Variants in SORCS2 observed in about 807,000 individuals in gnomAD.
SORCS2 encodes the protein sortilin related VPS10 domain containing receptor 2.
A neutral mutation model predicts 141.6 loss-of-function variants in SORCS2; 100 were observed. That is an observed-to-expected ratio of 0.71 (90% confidence interval 0.60 to 0.83). SORCS2 has a LOEUF of 0.83. Ranked by LOEUF, SORCS2 falls within the 40% of genes least tolerant of loss-of-function variation. The pLI is 0.00. For missense variants in SORCS2, 1,646 were observed against 1,560.2 expected (o/e 1.05, Z -0.93); for synonymous variants, 789 against 676.9 (o/e 1.17, Z -2.57).
intron 3 of SORCS2, among the ~76,000 whole-genome samples, chr4:7,635,861 C>T (rs1720209875): frequency 6.6e-6 from 1 of 152,210 alleles, no homozygotes; most frequent in African/African-American, 2.4e-5. Flanking sequence ...GCTGGCAGAG[C>T]AGGGTTTTGT....
chr4:7,273,384 T>C (rs1715268351), intron 1 of SORCS2, among the ~76,000 whole-genome samples: 1 of 152,084 alleles, frequency 6.6e-6, no homozygotes, highest in African/African-American at 2.4e-5. Context: ...GACCATGGCA[T>C]AACCCAGCTG....
chr4:7,739,037 C>T (rs1242741321), intron 26 of SORCS2, among the ~76,000 whole-genome samples: 2 of 152,182 alleles, frequency 1.3e-5, no homozygotes, highest in African/African-American at 4.8e-5. Context: ...CTGTGTCAGC[C>T]CCAGCTCAGC....
chr4:7,310,582 C>T (rs764509453), intron 1 of SORCS2: 12 of 154,236 alleles, frequency 7.8e-5, no homozygotes, highest in African/African-American at 2.6e-4. Context: ...GAGGCCCCCT[C>T]GGACAGGATC....
intron 3 of SORCS2, among the ~76,000 whole-genome samples, chr4:7,610,371 T>C (rs1368990545): frequency 1.3e-5 from 2 of 151,944 alleles, no homozygotes; most frequent in Non-Finnish European, 2.9e-5. Flanking sequence ...TGTTTCCTTA[T>C]CTCCATGGGA....
At chr4:7,700,902 G>A (rs1725027146) in intron 12 of SORCS2, among the ~76,000 whole-genome samples, 1 of 152,218 alleles carries the variant, frequency 6.6e-6, no homozygotes, top group Non-Finnish European at 1.5e-5. Flanking sequence ...TTGGTGTCTG[G>A]CAGTCACCAG....
chr4:7,270,664 A>G (rs543349996), intron 1 of SORCS2, among the ~76,000 whole-genome samples: 1 of 152,386 alleles, frequency 6.6e-6, no homozygotes, highest in African/African-American at 2.4e-5. Context: ...GATCCCTCCT[A>G]GATCCATCCG....
At chr4:7,372,705 A>G (rs1298167629) in intron 1 of SORCS2, among the ~76,000 whole-genome samples, 1 of 151,714 alleles carries the variant, frequency 6.6e-6, no homozygotes, top group African/African-American at 2.4e-5. Context: ...CATTTCCCTC[A>G]CCCCCCAGAA....
chr4:7,504,600 C>T (rs1330189975), intron 2 of SORCS2, among the ~76,000 whole-genome samples: 1 of 152,226 alleles, frequency 6.6e-6, no homozygotes, highest in African/African-American at 2.4e-5. Context: ...CTCTGGACCC[C>T]AGGGCTGGCT....
At chr4:7,505,692 G>A (rs1467450709) in intron 2 of SORCS2, among the ~76,000 whole-genome samples, 4 of 152,146 alleles carry the variant, frequency 2.6e-5, no homozygotes, top group Admixed American at 2.0e-4. Flanking sequence ...CTCTGCCAGC[G>A]GGAACACGAG....
intron 3 of SORCS2, among the ~76,000 whole-genome samples, chr4:7,590,776 C>G (rs1226482690): frequency 6.6e-6 from 1 of 152,220 alleles, no homozygotes; most frequent in Non-Finnish European, 1.5e-5. Context: ...CTGCTGACAC[C>G]TTGATTTTAG....
chr4:7,613,036 C>T (rs1197156443), intron 3 of SORCS2, among the ~76,000 whole-genome samples: 9 of 151,796 alleles, frequency 5.9e-5, no homozygotes, highest in Middle Eastern at 3.4e-3. Context: ...CCTCTTTCTG[C>T]GGGGAGGAGC....
rs780853435 is a variant in SORCS2, at chr4:7,714,257, G to A, written c.2007G>A (p.Met669Ile). The A allele has an allele frequency of 6.2e-7, 1 of 1,611,000 alleles. No homozygotes were observed. The highest frequency in any genetic ancestry group is 8.5e-7 in the Non-Finnish European group (1 of 1,178,870). Residue 669 changes from methionine (M) to isoleucine (I), a missense_variant, in exon 16 of 27, where the codon ATG becomes ATA. Coordinates refer to ENST00000507866, the MANE Select transcript of SORCS2 (RefSeq NM_020777.3). ...LSNLQGDRCI[M>I]GQQRSFRKRK... ...TGCTGCAGGGCGACCGCTGTATCATGGGCCAGCAGAGAAGTTTCCGGAAAA... is the reference window on the plus strand; with the variant it reads ...TGCTGCAGGGCGACCGCTGTATCATAGGCCAGCAGAGAAGTTTCCGGAAAA...
intron 3 of SORCS2, among the ~76,000 whole-genome samples, chr4:7,543,702 A>G (rs1577723788): frequency 1.2e-5 from 1 of 80,902 alleles, no homozygotes; most frequent in African/African-American, 3.5e-5. Flanking sequence ...CCACCCATCC[A>G]TCCATCCACC....
At chr4:7,449,620 G>A (rs1728314072) in intron 2 of SORCS2, among the ~76,000 whole-genome samples, 2 of 151,744 alleles carry the variant, frequency 1.3e-5, no homozygotes, top group South Asian at 4.2e-4. Flanking sequence ...GCTGCCATGT[G>A]TTTGTTCATG....
In SORCS2 at chr4:7,602,375, C is replaced by T. The variant is rs544000701; in HGVS notation, c.649-35953C>T. 4.2e-3 allele frequency among the ~76,000 whole-genome samples: 626 copies of T among 150,492 alleles called. 5 individuals are homozygous for T. The highest frequency in any genetic ancestry group is 0.015 in the African/African-American group (593 of 40,712). ...CTTCCCAGACGGGGCGGCTGCTGGG[C>T]GGAGGGGCTCCTCACTTCTCAGACG... On this transcript the variant is annotated intron_variant, in intron 3 of 26. Transcript: ENST00000507866.
At chr4:7,204,365 G>A (rs1455657402) in intron 1 of SORCS2, among the ~76,000 whole-genome samples, 7 of 152,014 alleles carry the variant, frequency 4.6e-5, no homozygotes, top group Non-Finnish European at 8.8e-5. Context: ...GCAGGTGCAC[G>A]CCACCACACC....
chr4:7,558,063 G>C (rs908310997), intron 3 of SORCS2, among the ~76,000 whole-genome samples: 3 of 152,184 alleles, frequency 2.0e-5, no homozygotes, highest in South Asian at 2.1e-4. Context: ...GAGGTGTTGA[G>C]TGAGGAGGGG....
chr4:7,548,628 C>T (rs978799990), intron 3 of SORCS2, among the ~76,000 whole-genome samples: 8 of 152,018 alleles, frequency 5.3e-5, no homozygotes, highest in East Asian at 3.9e-4. Flanking sequence ...TGCCAGAGGG[C>T]GGCTCACAGT....
intron 3 of SORCS2, among the ~76,000 whole-genome samples, chr4:7,535,595 G>C (rs576601364): frequency 6.6e-6 from 1 of 152,246 alleles, no homozygotes; most frequent in Admixed American, 6.5e-5. Flanking sequence ...GCTCAGATCC[G>C]GGCCTGGCCC....
Sources: allele counts gnomAD v4.1 joint callset (sites outside exome capture counted in the v4.1 genomes callset), GRCh38; gene constraint gnomAD v4.1.1; transcripts MANE v1.5; gene names NCBI Gene and HGNC (gene_info 2026-07-23, HGNC 2026-07-21).